TIAM2: variants seen among roughly 807,000 people sequenced by gnomAD.
The protein encoded by TIAM2 is TIAM Rac1 associated GEF 2.
Under a neutral mutation model 152.9 loss-of-function variants are expected in TIAM2, and 80 were observed. That is an observed-to-expected ratio of 0.52 (90% CI 0.44 to 0.63). The LOEUF is 0.63. Ranked by LOEUF, TIAM2 falls within the 30% of genes least tolerant of loss-of-function variation. TIAM2 has a pLI of 0.00. For missense variants in TIAM2, 1,965 were observed against 2,120.1 expected (o/e 0.93, Z 1.44); for synonymous variants, 804 against 838.0 (o/e 0.96, Z 0.70).
chr6:155,091,461 T>C (rs886664106), intron 2 of TIAM2, among the ~76,000 whole-genome samples: 3 of 152,194 alleles, frequency 2.0e-5, no homozygotes, highest in African/African-American at 7.2e-5. Context: ...TGTAAATTGC[T>C]CAATGTCACA....
chr6:155,046,846 C>G (rs1192328410), intron 1 of TIAM2, among the ~76,000 whole-genome samples: 1 of 152,168 alleles, frequency 6.6e-6, no homozygotes, highest in East Asian at 1.9e-4. Flanking sequence ...TTGCCACTGC[C>G]TCTTGGGTTT....
At chr6:155,057,976 C>T (rs1334114056) in intron 1 of TIAM2, among the ~76,000 whole-genome samples, 6 of 152,124 alleles carry the variant, frequency 3.9e-5, no homozygotes, top group African/African-American at 1.4e-4. Context: ...GGATTCATGG[C>T]TATTTATGTT....
intron 14 of TIAM2, among the ~76,000 whole-genome samples, chr6:155,191,518 G>T (rs886691114): frequency 6.6e-6 from 1 of 152,134 alleles, no homozygotes; most frequent in Non-Finnish European, 1.5e-5. Context: ...TTGGCTGGGC[G>T]CGGTGGCTCA....
At chr6:155,044,699 C>A (rs144223124) in intron 1 of TIAM2, among the ~76,000 whole-genome samples, 3,907 of 152,050 alleles carry the variant, frequency 0.026, 169 homozygotes, top group African/African-American at 0.091. Flanking sequence ...CCTGTAATTC[C>A]AGCTACTTGG....
intron 14 of TIAM2, among the ~76,000 whole-genome samples, chr6:155,195,359 C>A (rs1320584957): frequency 6.6e-6 from 1 of 152,300 alleles, no homozygotes; most frequent in Admixed American, 6.5e-5. Context: ...ATGGTAGGTA[C>A]CCATCGCCTG....
At chr6:155,052,906 A>G (rs898930984) in intron 1 of TIAM2, among the ~76,000 whole-genome samples, 2 of 152,210 alleles carry the variant, frequency 1.3e-5, no homozygotes, top group African/African-American at 2.4e-5. Context: ...TAAGTTCCAT[A>G]AATGCTAGGA....
chr6:155,165,769 CAG>C (rs1411393550), intron 9 of TIAM2, among the ~76,000 whole-genome samples: 1 of 152,038 alleles, frequency 6.6e-6, no homozygotes, highest in Non-Finnish European at 1.5e-5. Flanking sequence ...GCCTGAGTGA[CAG>C]AGCGAGACCC....
intron 16 of TIAM2, 35 bp from the exon 17 acceptor site, chr6:155,243,976 A>C (rs1174617509): frequency 1.2e-6 from 2 of 1,601,828 alleles, no homozygotes; most frequent in Non-Finnish European, 8.6e-7. Flanking sequence ...TTGGAGACTA[A>C]AGCGTTGAAG....
intron 4 of TIAM2, among the ~76,000 whole-genome samples, chr6:155,134,541 A>G (rs140229910): frequency 5.5e-4 from 83 of 152,160 alleles, no homozygotes; most frequent in African/African-American, 1.9e-3. Context: ...CTGTGGCAGA[A>G]TTGGGCTTGT....
chr6:155,254,199 G>T, intron 25 of TIAM2, 139 bp downstream of exon 25: 1 of 1,015,056 alleles, frequency 9.9e-7, no homozygotes. Flanking sequence ...GGCAACTGAG[G>T]CCGCTAGTAG....
At chr6:155,011,807 C>T (rs1221298425) in intron 1 of TIAM2, among the ~76,000 whole-genome samples, 2 of 152,210 alleles carry the variant, frequency 1.3e-5, no homozygotes, top group African/African-American at 2.4e-5. Flanking sequence ...TGCAAACAGA[C>T]ACTTTTTCAG....
At chr6:155,027,907 T>TAC (rs1562293949) in intron 1 of TIAM2, among the ~76,000 whole-genome samples, 14 of 95,320 alleles carry the variant, frequency 1.5e-4, no homozygotes, top group African/African-American at 7.3e-4. Flanking sequence ...TACTATATAA[T>TAC]ATGTACTGTG....
At chr6:155,212,794 C>T (rs549228115) in intron 15 of TIAM2, among the ~76,000 whole-genome samples, 8 of 152,190 alleles carry the variant, frequency 5.3e-5, no homozygotes, top group Admixed American at 6.5e-5. Flanking sequence ...TGTCAGTGAG[C>T]GCAGTGGTGA....
In TIAM2 at chr6:155,120,125, A is replaced by G. The variant is rs1779116610; in HGVS notation, c.-117-7365A>G. ...CTTACTAAGGTGATGAACTGGACAA[A>G]AAGCTGAGCTATTGTCTCTGTGGAA... On this transcript the variant is annotated intron_variant, in intron 2 of 26. Transcript: ENST00000682666. Among the ~76,000 whole-genome samples, 3 of 152,338 alleles carry G rather than the reference A, an allele frequency of 2.0e-5. No homozygotes were observed. In the South Asian group the frequency reaches 6.2e-4, roughly 32 times the overall value.
chr6:155,067,381 T>A (rs1777719021), intron 1 of TIAM2, among the ~76,000 whole-genome samples: 1 of 152,160 alleles, frequency 6.6e-6, no homozygotes, highest in South Asian at 2.1e-4. Flanking sequence ...GAGTCGGAAC[T>A]CACATGTCTG....
intron 5 of TIAM2, among the ~76,000 whole-genome samples, chr6:155,144,212 C>T (rs9371867): frequency 0.51 from 77,471 of 152,008 alleles, 20,035 homozygotes; most frequent in Middle Eastern, 0.57. Context: ...GGCATGTCCA[C>T]AACTTTGGCA....
intron 7 of TIAM2, among the ~76,000 whole-genome samples, chr6:155,158,722 A>C (rs6557407): frequency 0.48 from 72,027 of 150,500 alleles, 17,635 homozygotes; most frequent in Middle Eastern, 0.55. Flanking sequence ...CACCTGGCTG[A>C]GTTTTGTGTT....
At chr6:155,176,681 C>G (rs1780766701) in intron 9 of TIAM2, 135 bp from the exon 10 acceptor site, 1 of 854,176 alleles carries the variant, frequency 1.2e-6, no homozygotes, top group South Asian at 1.7e-5. Flanking sequence ...CCTCAGAGGG[C>G]TGTGAGAAGC....
chr6:155,129,091 A>G lies in TIAM2; in HGVS notation c.-6-127A>G, dbSNP rs1024432203. 1.1e-5 allele frequency: 9 copies of G among 819,212 alleles called. No homozygotes were observed. The highest frequency in any genetic ancestry group is 5.4e-5 in the Admixed American group (2 of 36,950). The allele number at this position is 819,212 out of a possible 1,614,324, so 50.7% of individuals were successfully genotyped here. A position where few individuals can be genotyped will look rare whatever the true frequency, so the allele number is the denominator to read the frequency against. On this transcript the variant is annotated intron_variant, in intron 3 of 26. Coordinates refer to ENST00000682666, the MANE Select transcript of TIAM2 (RefSeq NM_012454.4). The surrounding 1 kb of genome is among the most constrained non-coding windows in gnomAD (Gnocchi z 4.8). ...GTTCTACTGACTGACTCTTGTCCCT[A>G]CTCCTCTGAGTCCTTCCAGGCACTG...
Sources: gnomAD v4.1 joint callset for allele counts (sites outside exome capture counted in the v4.1 genomes callset) on GRCh38, gnomAD v4.1.1 for gene constraint, Gnocchi (gnomAD v3.1) non-coding constraint, MANE v1.5 for transcripts, NCBI Gene and HGNC (gene_info 2026-07-23, HGNC 2026-07-21) for gene names.